The following TFDP2 variants were observed in gnomAD, a reference collection of about 807,000 sequenced individuals.
TFDP2 encodes the protein transcription factor Dp-2 (E2F dimerization partner 2).
In TFDP2, 17 loss-of-function variants were observed where a neutral mutation model predicts 59.3. The ratio of observed to expected loss-of-function variants is 0.29; its 90% CI spans 0.20 to 0.43. The LOEUF (loss-of-function observed/expected upper bound fraction) is 0.43, where lower values mean the gene tolerates loss of function less well. Ranked by LOEUF, TFDP2 falls within the 20% of genes least tolerant of loss-of-function variation. The pLI, the probability that TFDP2 is intolerant of heterozygous loss-of-function variation, is 1.00. For synonymous variants in TFDP2, 180 were observed against 194.7 expected (o/e 0.92, Z 0.63); for missense variants, 391 against 528.8 (o/e 0.74, Z 2.56).
At position 142,061,742 on chromosome 3, in the gene TFDP2, G is replaced by A. The variant is rs190310273; in HGVS notation, c.82+31319C>T. On this transcript the variant is annotated intron_variant, in intron 3 of 12. Transcript: ENST00000489671. ...GCTGGGACTTGTGCCACTGGCTCCC[G>A]TGATTCTCAGCCTTCAGACTCAGAC... Among the ~76,000 whole-genome samples the A allele has an allele frequency of 5.3e-5, 8 of 152,068 alleles. No homozygotes were observed. In the East Asian group the frequency reaches 9.7e-4, roughly 18 times the overall value.
At chr3:142,119,932 C>T (rs1243408717) in intron 1 of TFDP2, among the ~76,000 whole-genome samples, 1 of 151,734 alleles carries the variant, frequency 6.6e-6, no homozygotes, top group Non-Finnish European at 1.5e-5. Flanking sequence ...CGCCTGTAGT[C>T]CCAGCTACTC....
chr3:142,143,562 C>G (rs775672818), intron 1 of TFDP2, among the ~76,000 whole-genome samples: 1 of 152,100 alleles, frequency 6.6e-6, no homozygotes, highest in Non-Finnish European at 1.5e-5. Flanking sequence ...GGAAAAAAAT[C>G]AAATAATCCC....
At position 141,953,025 on chromosome 3, in the gene TFDP2, A is replaced by C; in HGVS notation, c.1052-9T>G. 6.3e-7 allele frequency: 1 copy of C among 1,598,612 alleles called. No homozygotes were observed. The highest frequency in any genetic ancestry group is 1.1e-5 in the South Asian group (1 of 90,474). On this transcript the variant is annotated splice_polypyrimidine_tract_variant and intron_variant, in intron 11 of 12. Transcript: ENST00000489671. ...AGGTCCTGTGGAGATATCTAAAGGA[A>C]AAAATGAGAACAAAAAATGTCGGTC...
chr3:142,142,444 T>C lies in TFDP2; in HGVS notation c.-93+6739A>G, dbSNP rs199696910. Among the ~76,000 whole-genome samples, 15 of 152,174 alleles carry C rather than the reference T, an allele frequency of 9.9e-5. No homozygotes were observed. The East Asian group carries it at 2.9e-3, about 29-fold the overall frequency. On this transcript the variant is annotated intron_variant, in intron 1 of 12. Coordinates refer to ENST00000489671, the MANE Select transcript of TFDP2 (RefSeq NM_001178139.2). ...AACTATAAAACACTGATCAAAGAAA[T>C]TGAAGAGGACACCAAAAAAATGGAA...
intron 3 of TFDP2, among the ~76,000 whole-genome samples, chr3:142,050,699 C>CA (rs1234219290): frequency 1.3e-5 from 2 of 150,916 alleles, no homozygotes; most frequent in African/African-American, 4.9e-5. Context: ...GACTCTGTCT[C>CA]AAAAAAATAA....
chr3:142,111,825 G>T (rs889199511), intron 1 of TFDP2, among the ~76,000 whole-genome samples: 9 of 152,092 alleles, frequency 5.9e-5, no homozygotes, highest in African/African-American at 9.7e-5. Context: ...CAGCACTTTG[G>T]GGGGCTGAGG....
chr3:142,128,120 G>A (rs1470069266), intron 1 of TFDP2, among the ~76,000 whole-genome samples: 1 of 152,108 alleles, frequency 6.6e-6, no homozygotes, highest in Non-Finnish European at 1.5e-5. Flanking sequence ...TGGGACGACT[G>A]CTTAAGCCCC....
At chr3:141,969,436 C>A (rs1939365060) in intron 9 of TFDP2, among the ~76,000 whole-genome samples, 1 of 150,718 alleles carries the variant, frequency 6.6e-6, no homozygotes, top group Admixed American at 6.7e-5. Flanking sequence ...GATGGTGAAA[C>A]CCCGTCTCTA....
rs932200941 is a variant in TFDP2 at position 141,947,443 on chromosome 3, C to T, written c.*5070G>A. The T allele has an allele frequency of 3.3e-5, 5 of 151,996 alleles. No homozygotes were observed. The highest frequency in any genetic ancestry group is 9.7e-5 in the African/African-American group (4 of 41,374). The allele number at this position is 151,996 out of a possible 1,614,324, so 9.4% of individuals were successfully genotyped here. A position where few individuals can be genotyped will look rare whatever the true frequency, so the allele number is the denominator to read the frequency against. On this transcript the variant is annotated 3_prime_UTR_variant, in exon 13 of 13. Coordinates refer to ENST00000489671, the MANE Select transcript of TFDP2 (RefSeq NM_001178139.2). ...CTTTTTTCTTTTTTTGAGACAGAGT[C>T]CTGCTCTGTCACCTGGGCTGGAGTG... is the stretch of plus-strand genomic sequence containing the variant.
At chr3:142,144,538 T>C (rs564510330) in intron 1 of TFDP2, among the ~76,000 whole-genome samples, 55 of 151,696 alleles carry the variant, frequency 3.6e-4, no homozygotes, top group African/African-American at 1.3e-3. Context: ...TATTTATTCC[T>C]ATTTATTTAT....
chr3:142,082,862 A>G (rs2060686291), intron 3 of TFDP2, among the ~76,000 whole-genome samples: 1 of 152,036 alleles, frequency 6.6e-6, no homozygotes, highest in Admixed American at 6.6e-5. Context: ...TACAGAAGGA[A>G]CGTACCTCAA....
intron 2 of TFDP2, among the ~76,000 whole-genome samples, chr3:142,095,511 A>T (rs1401760702): frequency 1.3e-5 from 2 of 152,230 alleles, no homozygotes; most frequent in Non-Finnish European, 2.9e-5. Flanking sequence ...TCATCATCAA[A>T]TTTTTATGAC....
intron 6 of TFDP2, among the ~76,000 whole-genome samples, chr3:141,980,071 G>C (rs1197231573): frequency 1.3e-5 from 2 of 151,074 alleles, no homozygotes; most frequent in Admixed American, 1.3e-4. Context: ...ACCATGCCTC[G>C]CTAATTTCTT....
At chr3:141,983,235 C>T (rs1194771770) in intron 6 of TFDP2, among the ~76,000 whole-genome samples, 1 of 152,162 alleles carries the variant, frequency 6.6e-6, no homozygotes, top group East Asian at 1.9e-4. Flanking sequence ...GCAACCAATC[C>T]AGTAAGCCAC....
chr3:142,147,240 G>A (rs534372475), intron 1 of TFDP2, among the ~76,000 whole-genome samples: 49 of 152,070 alleles, frequency 3.2e-4, no homozygotes, highest in Non-Finnish European at 6.5e-4. Flanking sequence ...AGATTAAAAC[G>A]GAAAGGATTT....
intron 3 of TFDP2, among the ~76,000 whole-genome samples, chr3:142,038,630 T>C (rs909263417): frequency 3.9e-5 from 6 of 152,022 alleles, no homozygotes; most frequent in African/African-American, 1.4e-4. Context: ...CTGCAAAATA[T>C]AGAAAAGCAC....
chr3:142,046,314 A>C (rs1390589628), intron 3 of TFDP2, among the ~76,000 whole-genome samples: 1 of 152,178 alleles, frequency 6.6e-6, no homozygotes, highest in African/African-American at 2.4e-5. Flanking sequence ...TTACTCTTGT[A>C]AATATCTGAA....
intron 1 of TFDP2, among the ~76,000 whole-genome samples, chr3:142,127,797 AC>A (rs1302684030): frequency 6.6e-6 from 1 of 152,218 alleles, no homozygotes; most frequent in Non-Finnish European, 1.5e-5. Flanking sequence ...ATATCTCATC[AC>A]AAAGGCTTAA....
intron 9 of TFDP2, among the ~76,000 whole-genome samples, chr3:141,964,587 A>G (rs748331752): frequency 3.3e-5 from 5 of 152,138 alleles, no homozygotes; most frequent in Non-Finnish European, 5.9e-5. Flanking sequence ...AGGAGGCAGA[A>G]TTTGCTGTGA....
Sources: allele counts gnomAD v4.1 joint callset (sites outside exome capture counted in the v4.1 genomes callset), GRCh38; gene constraint gnomAD v4.1.1; transcripts MANE v1.5; gene names NCBI Gene and HGNC (gene_info 2026-07-23, HGNC 2026-07-21).